Variants in SLC2A2 observed in about 807,000 individuals in gnomAD.
SLC2A2 encodes the protein solute carrier family 2 member 2.
Under a neutral mutation model 54.5 loss-of-function variants are expected in SLC2A2, and 36 were observed. The ratio of observed to expected loss-of-function variants is 0.66; its 90% CI spans 0.51 to 0.87. The LOEUF (loss-of-function observed/expected upper bound fraction) is 0.87. Ranked by LOEUF, SLC2A2 falls within the 40% of genes least tolerant of loss-of-function variation. SLC2A2 has a pLI of 0.00. For synonymous variants in SLC2A2, 223 were observed against 219.1 expected (o/e 1.02, Z -0.16); for missense variants, 543 against 624.3 (o/e 0.87, Z 1.39).
chr3:171,009,308 C>T (rs941414881), intron 4 of SLC2A2, among the ~76,000 whole-genome samples: 1 of 152,092 alleles, frequency 6.6e-6, no homozygotes, highest in African/African-American at 2.4e-5. Flanking sequence ...TTCCTTTATT[C>T]TGAACTTTTA....
At chr3:171,009,411 GA>G (rs1243263932) in intron 4 of SLC2A2, among the ~76,000 whole-genome samples, 1 of 152,024 alleles carries the variant, frequency 6.6e-6, no homozygotes, top group African/African-American at 2.4e-5. Context: ...CAGGGCTGGG[GA>G]ATGTGGTCTA....
At chr3:171,015,584 A>G (rs1716113863) in intron 2 of SLC2A2, among the ~76,000 whole-genome samples, 1 of 152,210 alleles carries the variant, frequency 6.6e-6, no homozygotes, top group Admixed American at 6.5e-5. Flanking sequence ...ATAAAAGTGG[A>G]TATAAGAAAA....
At chr3:170,998,420 A>G (rs757658318) in intron 9 of SLC2A2, 24 bp from the exon 10 acceptor site, 16 of 1,589,400 alleles carry the variant, frequency 1.0e-5, no homozygotes, top group Admixed American at 1.7e-5. Flanking sequence ...CAAAAACAAT[A>G]GTGGGACTGA....
chr3:171,002,084 T>G (rs1715362127), intron 8 of SLC2A2, among the ~76,000 whole-genome samples: 1 of 152,020 alleles, frequency 6.6e-6, no homozygotes, highest in Non-Finnish European at 1.5e-5. Flanking sequence ...TGTTTAACTT[T>G]GCTTAAAGGC....
At position 171,005,983 on chromosome 3, in the gene SLC2A2, G is replaced by A; in HGVS notation, c.735C>T (p.Tyr245=). 2 of 1,612,488 alleles carry A rather than the reference G, an allele frequency of 1.2e-6. No individual in the cohort carries two copies. The highest frequency in any genetic ancestry group is 1.1e-5 in the South Asian group (1 of 91,050). Residue 245 remains tyrosine, a synonymous_variant, in exon 6 of 11, where the codon TAC becomes TAT. Coordinates refer to ENST00000314251, the MANE Select transcript of SLC2A2 (RefSeq NM_000340.2). The part of the protein sequence containing the change: ...LLFFCPESPR[Y]LYIKLDEEVK... ...CTTCCTCATCTAACTTGATGTAAAG[G>A]TATCTGGGGCTTTCTGGACAGAAAA... is the stretch of plus-strand genomic sequence containing the variant.
intron 2 of SLC2A2, among the ~76,000 whole-genome samples, chr3:171,014,961 A>G (rs965745144): frequency 6.6e-6 from 1 of 152,202 alleles, no homozygotes; most frequent in Non-Finnish European, 1.5e-5. Context: ...GGGAACATGT[A>G]ATACTTTGAT....
chr3:171,020,097 C>T (rs1372883899), intron 1 of SLC2A2, among the ~76,000 whole-genome samples: 2 of 152,138 alleles, frequency 1.3e-5, no homozygotes, highest in African/African-American at 2.4e-5. Context: ...GTGACCCAAG[C>T]CACTTCCCTT....
At chr3:171,005,156 C>A in intron 7 of SLC2A2, 129 bp downstream of exon 7, 1 of 786,682 alleles carries the variant, frequency 1.3e-6, no homozygotes, top group Non-Finnish European at 2.2e-6. Flanking sequence ...ACTCAATGTA[C>A]GTTTGTTATA....
chr3:171,009,850 G>C (rs762916264), intron 4 of SLC2A2, 108 bp downstream of exon 4: 1 of 1,454,218 alleles, frequency 6.9e-7, no homozygotes, highest in Non-Finnish European at 9.3e-7. Context: ...TGTCACCCTA[G>C]ACTCAAAAAT....
At chr3:171,009,447 T>G (rs1011716575) in intron 4 of SLC2A2, among the ~76,000 whole-genome samples, 1 of 151,854 alleles carries the variant, frequency 6.6e-6, no homozygotes, top group Non-Finnish European at 1.5e-5. Flanking sequence ...AGTGTTAAGG[T>G]CTTGTCAGAT....
At chr3:170,998,994 A>T in intron 9 of SLC2A2, 71 bp downstream of exon 9, 1 of 953,652 alleles carries the variant, frequency 1.0e-6, no homozygotes, top group Non-Finnish European at 1.7e-6. Flanking sequence ...AAAGCACTTT[A>T]ACCTGGACCA....
chr3:171,018,660 G>T, intron 1 of SLC2A2, 37 bp from the exon 2 acceptor site: 1 of 1,426,102 alleles, frequency 7.0e-7, no homozygotes, highest in Non-Finnish European at 9.9e-7. Context: ...GAAACACCAG[G>T]CAATTTTAGT....
chr3:171,014,338 A>G (rs2108256138), intron 3 of SLC2A2, 131 bp downstream of exon 3: 3 of 933,936 alleles, frequency 3.2e-6, no homozygotes, highest in Middle Eastern at 2.2e-4. Flanking sequence ...GATATGCCTC[A>G]TAGGGTCATG....
At chr3:171,013,119 A>G (rs1715966070) in intron 3 of SLC2A2, among the ~76,000 whole-genome samples, 1 of 152,188 alleles carries the variant, frequency 6.6e-6, no homozygotes, top group Non-Finnish European at 1.5e-5. Context: ...ATATTTTAGA[A>G]CGTAATTTAA....
At chr3:171,000,489 TG>T (rs1576825085) in intron 8 of SLC2A2, among the ~76,000 whole-genome samples, 1 of 151,860 alleles carries the variant, frequency 6.6e-6, no homozygotes, top group East Asian at 1.9e-4. Flanking sequence ...GAGTGAGACA[TG>T]GTCAGTGGCT....
At chr3:171,013,975 G>C (rs747836055) in intron 3 of SLC2A2, among the ~76,000 whole-genome samples, 1 of 141,500 alleles carries the variant, frequency 7.1e-6, no homozygotes, top group Non-Finnish European at 1.5e-5. Context: ...GCCAGAAACC[G>C]CATAACAAAT....
chr3:171,026,450 T>C lies in SLC2A2; in HGVS notation c.15+206A>G, dbSNP rs140942662. ...ATGCACAATTACTTGAAAAAACTTA[T>C]GCAGACTAGTCAGTTAACAGAGCAA... On this transcript the variant is annotated intron_variant, in intron 1 of 10. Transcript: ENST00000314251. 2.9e-3 allele frequency among the ~76,000 whole-genome samples: 436 copies of C among 150,284 alleles called. 7 individuals are homozygous for C. The South Asian group carries it at 0.039, about 13-fold the overall frequency.
intron 1 of SLC2A2, among the ~76,000 whole-genome samples, chr3:171,023,137 T>C (rs913343972): frequency 1.3e-5 from 2 of 152,178 alleles, no homozygotes; most frequent in African/African-American, 4.8e-5. Flanking sequence ...TTTTTGAGGG[T>C]TGACTGTGGT....
intron 4 of SLC2A2, among the ~76,000 whole-genome samples, chr3:171,009,256 C>T (rs533960151): frequency 3.9e-5 from 6 of 152,210 alleles, no homozygotes; most frequent in South Asian, 2.1e-4. Context: ...CAAGAACTAG[C>T]GATTCCCACT....
Sources: allele counts gnomAD v4.1 joint callset (sites outside exome capture counted in the v4.1 genomes callset), GRCh38; gene constraint gnomAD v4.1.1; transcripts MANE v1.5; gene names NCBI Gene and HGNC (gene_info 2026-07-23, HGNC 2026-07-21).